TRIM28: variants seen among roughly 807,000 people sequenced by gnomAD.
TRIM28 encodes tripartite motif containing 28.
TRIM28 carries 8 observed loss-of-function variants against 87.4 expected under a neutral mutation model. That is an observed-to-expected ratio of 0.09 (90% CI 0.05 to 0.17). TRIM28 has a LOEUF of 0.17. Ranked by LOEUF, TRIM28 falls within the 10% of genes least tolerant of loss-of-function variation. The pLI is 1.00. For synonymous variants in TRIM28, 601 were observed against 454.3 expected (o/e 1.32, Z -4.11); for missense variants, 968 against 1,131.8 (o/e 0.86, Z 2.08).
chr19:58,549,707 A>C lies in TRIM28; in HGVS notation c.1983-30A>C. On this transcript the variant is annotated intron_variant, in intron 13 of 16. Coordinates refer to ENST00000253024, the MANE Select transcript of TRIM28 (RefSeq NM_005762.3). This position sits in a 1 kb window ranked among gnomAD's most constrained non-coding sequence, Gnocchi z 4.4. ...GGTGTTGGGCTGTCTGGACAGGATCATGTGCAGACCCTTATTTTCTTCACC... is the reference window on the plus strand; with the variant it reads ...GGTGTTGGGCTGTCTGGACAGGATCCTGTGCAGACCCTTATTTTCTTCACC... The C allele has an allele frequency of 1.9e-6, 3 of 1,599,238 alleles. No individual in the cohort carries two copies. Among genetic ancestry groups the C allele is most frequent in the Non-Finnish European group, 2.6e-6 (3 of 1,169,772 alleles).
chr19:58,546,351 G>A (rs934471037), intron 3 of TRIM28, among the ~76,000 whole-genome samples: 2 of 152,202 alleles, frequency 1.3e-5, no homozygotes, highest in African/African-American at 2.4e-5. Flanking sequence ...TTTTGAGTTG[G>A]CAGAGACTTA....
At chr19:58,545,382 G>T in intron 1 of TRIM28, 43 bp from the exon 2 acceptor site, 1 of 1,504,482 alleles carries the variant, frequency 6.6e-7, no homozygotes, top group Non-Finnish European at 9.2e-7. Context: ...CCATAACCTG[G>T]GTGGGAACTT....
Position 58,548,525 on chromosome 19 carries a change from G to T in TRIM28, c.1256G>T (p.Gly419Val). ...VAERPGTNSTGPAPMAPPRAP... is the reference protein window; with the variant it reads ...VAERPGTNSTVPAPMAPPRAP... ...GAGCGTCCTGGCACTAACTCAACAGGCCCTGCACCCATGGCCCCTCCAAGA... is the reference window on the plus strand; with the variant it reads ...GAGCGTCCTGGCACTAACTCAACAGTCCCTGCACCCATGGCCCCTCCAAGA... Residue 419 changes from glycine to valine, a missense_variant, in exon 9 of 17, where the codon GGC becomes GTC. Physicochemically the swap from Gly to Val is moderately radical, Grantham distance 109 (BLOSUM62 -3). Transcript: ENST00000253024. The T allele has an allele frequency of 6.2e-7, 1 of 1,614,012 alleles. No homozygotes were observed. Among genetic ancestry groups the T allele is most frequent in the South Asian group, 1.1e-5 (1 of 91,084 alleles).
In TRIM28 at chr19:58,548,771, G is replaced by C; in HGVS notation, c.1355G>C (p.Gly452Ala). The part of the protein sequence containing the change: ...PMEVQEGYGF[G>A]SGDDPYSSAE... ...GAGGTGCAGGAAGGCTATGGCTTTGGGTCAGGTGAGTGGGTCTGCCTAGTG... is the reference window on the plus strand; with the variant it reads ...GAGGTGCAGGAAGGCTATGGCTTTGCGTCAGGTGAGTGGGTCTGCCTAGTG... The change falls in exon 10 of 17, where the codon GGG becomes GCG. Residue 452 changes from glycine (G) to alanine (A), a missense_variant. By Grantham distance (60) the Gly-to-Ala change is moderately conservative (BLOSUM62 0). Around this residue, in one of 11 missense-constraint regions of TRIM28, gnomAD observed 119 missense variants for 93.6 expected, o/e 1.27. Transcript: ENST00000253024. 8.1e-6 allele frequency: 13 copies of C among 1,614,118 alleles called. No individual in the cohort carries two copies. Among genetic ancestry groups the C allele is most frequent in the Non-Finnish European group, 1.1e-5 (13 of 1,180,006 alleles).
chr19:58,546,582 T>TA (rs1200735164), intron 3 of TRIM28, among the ~76,000 whole-genome samples: 12 of 152,110 alleles, frequency 7.9e-5, no homozygotes, highest in Non-Finnish European at 1.6e-4. Flanking sequence ...CCAGGAGGGA[T>TA]ACGCAGGGGC....
Position 58,548,735 on chromosome 19 carries a change from C to T in TRIM28, c.1324-5C>T. The T allele has an allele frequency of 6.2e-7, 1 of 1,613,764 alleles. No homozygotes were observed. The highest frequency in any genetic ancestry group is 8.5e-7 in the Non-Finnish European group (1 of 1,180,004). ...CTGAGGCAGAGGGTTCTGCTTTGTT[C>T]ACAGCCCATGGAGGTGCAGGAAGGC... is the stretch of plus-strand genomic sequence containing the variant. On this transcript the variant is annotated splice_region_variant and splice_polypyrimidine_tract_variant and intron_variant, in intron 9 of 16. Transcript: ENST00000253024.
At position 58,547,530 on chromosome 19, in the gene TRIM28, T is replaced by G; in HGVS notation, c.722+19T>G. The G allele has an allele frequency of 6.2e-7, 1 of 1,613,662 alleles. No homozygotes were observed. Among genetic ancestry groups the G allele is most frequent in the African/African-American group, 1.3e-5 (1 of 75,012 alleles). Reference sequence around the variant, plus strand: ...ACCACCAGTGAGTCCCAAGGCATAGTGGTTGGGTGGGTGGGTGCCACCCCT... The same window carrying G: ...ACCACCAGTGAGTCCCAAGGCATAGGGGTTGGGTGGGTGGGTGCCACCCCT... On this transcript the variant is annotated intron_variant, in intron 4 of 16. Transcript: ENST00000253024.
chr19:58,550,451 C>G lies in TRIM28; in HGVS notation c.2406C>G (p.Asp802Glu). ...FETRMNEAFGDTKFSAVLVEP... is the reference protein window; with the variant it reads ...FETRMNEAFGETKFSAVLVEP... ...CGCGCATGAACGAGGCCTTCGGTGA[C>G]ACCAAGTTCTCTGCTGTGCTGGTGG... The change falls in exon 17 of 17, where the codon GAC (aspartate) becomes GAG (glutamate). Residue 802 changes from aspartate (D) to glutamate (E), a missense_variant. Physicochemically the swap from Asp to Glu is conservative, Grantham distance 45. This residue lies in a region of TRIM28 where 192 missense variants were observed against 225.6 expected (regional missense o/e 0.85). Transcript: ENST00000253024. 1 of 1,613,062 alleles carries G rather than the reference C, an allele frequency of 6.2e-7. No homozygotes were observed. The highest frequency in any genetic ancestry group is 8.5e-7 in the Non-Finnish European group (1 of 1,180,014).
rs918466962 is a variant in TRIM28 at position 58,545,194 on chromosome 19, G to A, written c.340+97G>A. ...AGGATGCCACCTGGGCGAGAGGATG[G>A]GGGCCCGGACAGGGCACGGGAAATA... On this transcript the variant is annotated intron_variant, in intron 1 of 16. Coordinates refer to ENST00000253024, the MANE Select transcript of TRIM28 (RefSeq NM_005762.3). 2.0e-5 allele frequency: 24 copies of A among 1,185,484 alleles called. No individual in the cohort carries two copies. The African/African-American group carries it at 3.4e-4, about 17-fold the overall frequency. The allele number at this position is 1,185,484 out of a possible 1,614,324, so 73.4% of individuals were successfully genotyped here.
chr19:58,547,364 C>T lies in TRIM28; in HGVS notation c.587-12C>T. On this transcript the variant is annotated splice_polypyrimidine_tract_variant and intron_variant, in intron 3 of 16. Coordinates refer to ENST00000253024, the MANE Select transcript of TRIM28 (RefSeq NM_005762.3). The stretch of plus-strand genomic sequence containing the variant: ...AAGGGCAAGGTCCAGCCTTATGATT[C>T]CCACTCCCCAGGGCCAGCCAAGTCT... 2.5e-6 allele frequency: 4 copies of T among 1,611,664 alleles called. No homozygotes were observed. Among genetic ancestry groups the T allele is most frequent in the Non-Finnish European group, 3.4e-6 (4 of 1,178,104 alleles).
At chr19:58,550,324 TG>T (rs762457174) in intron 16 of TRIM28, 40 bp downstream of exon 16, 1 of 1,613,358 alleles carries the variant, frequency 6.2e-7, no homozygotes, top group South Asian at 1.1e-5. Flanking sequence ...CAGGGGGAGA[TG>T]TGAAGGAAAG....
Position 58,544,934 on chromosome 19 carries a change from G to A in TRIM28, c.177G>A (p.Leu59=). The part of the protein sequence containing the change: ...SSPAGGGAEA[L]ELLEHCGVCR... Reference sequence around the variant, plus strand: ...CCGCGGGGGGCGGCGCCGAGGCGCTGGAGCTGCTGGAGCACTGCGGCGTGT... The same window carrying A: ...CCGCGGGGGGCGGCGCCGAGGCGCTAGAGCTGCTGGAGCACTGCGGCGTGT... The change falls in exon 1 of 17, where the codon CTG becomes CTA. Residue 59 remains leucine (L), a synonymous_variant. Transcript: ENST00000253024. 2.8e-6 allele frequency: 4 copies of A among 1,444,600 alleles called. No homozygotes were observed. The highest frequency in any genetic ancestry group is 3.0e-5 in the East Asian group (1 of 33,594). 89.5% of individuals were successfully genotyped at this position (1,444,600 alleles called of 1,614,324 possible).
chr19:58,548,836 C>G, intron 10 of TRIM28, 26 bp from the exon 11 acceptor site: 1 of 1,614,050 alleles, frequency 6.2e-7, no homozygotes, highest in Non-Finnish European at 8.5e-7. Context: ...CCCCAACCTG[C>G]CAGTCTTCTT....
At position 58,544,933 on chromosome 19, in the gene TRIM28, T is replaced by G. The variant is rs2053746848; in HGVS notation, c.176T>G (p.Leu59Arg). The change falls in exon 1 of 17, where the codon CTG becomes CGG. Residue 59 changes from leucine to arginine, a missense_variant. Around this residue, in one of 11 missense-constraint regions of TRIM28, gnomAD observed 208 missense variants for 170.9 expected, o/e 1.22. Transcript: ENST00000253024. ...CCCGCGGGGGGCGGCGCCGAGGCGC[T>G]GGAGCTGCTGGAGCACTGCGGCGTG... ...SSPAGGGAEA[L>R]ELLEHCGVCR... 1.4e-6 allele frequency: 2 copies of G among 1,443,386 alleles called. No individual in the cohort carries two copies. The highest frequency in any genetic ancestry group is 3.0e-5 in the African/African-American group (2 of 66,566). 89.4% of individuals were successfully genotyped at this position (1,443,386 alleles called of 1,614,324 possible).
In TRIM28 at chr19:58,546,022, C is replaced by T. The variant is rs1452947371; in HGVS notation, c.586+126C>T. ...TCTAGGGGGTGCCGCCCGAAGGGCC[C>T]GAGGGCAGAACTCCAGAAGCAGAAA... On this transcript the variant is annotated intron_variant, in intron 3 of 16. Transcript: ENST00000253024. 4.1e-6 allele frequency: 5 copies of T among 1,204,914 alleles called. No individual in the cohort carries two copies. In the East Asian group the frequency reaches 7.5e-5, roughly 18 times the overall value. 74.6% of individuals were successfully genotyped at this position (1,204,914 alleles called of 1,614,324 possible).
chr19:58,546,589 G>A (rs2053763022), intron 3 of TRIM28, among the ~76,000 whole-genome samples: 1 of 152,172 alleles, frequency 6.6e-6, no homozygotes, highest in Non-Finnish European at 1.5e-5. Flanking sequence ...GGATACGCAG[G>A]GGCTGCAGGG....
intron 3 of TRIM28, chr19:58,547,052 AGTGTGGGGAAGGGTCAGCGGGG>A: frequency 4.7e-6 from 1 of 214,178 alleles, no homozygotes; most frequent in Middle Eastern, 1.5e-3. Flanking sequence ...TAAAGGGAAC[AGTGTGGGGAAGGGTCAGCGGGG>A]GTGGGGGGTG....
At position 58,548,496 on chromosome 19, in the gene TRIM28, G is replaced by T; in HGVS notation, c.1227G>T (p.Val409=). 6.2e-7 allele frequency: 1 copy of T among 1,614,082 alleles called. No homozygotes were observed. Among genetic ancestry groups the T allele is most frequent in the South Asian group, 1.1e-5 (1 of 91,072 alleles). The part of the protein sequence containing the change: ...TKSAEAFGKI[V]AERPGTNSTG... The stretch of plus-strand genomic sequence containing the variant: ...CTCTTCTTTTTGCAGGCAAGATTGT[G>T]GCAGAGCGTCCTGGCACTAACTCAA... The change falls in exon 9 of 17, where the codon GTG becomes GTT. Residue 409 remains valine, a synonymous_variant. Coordinates refer to ENST00000253024, the MANE Select transcript of TRIM28 (RefSeq NM_005762.3).
In TRIM28 at chr19:58,544,977, C is replaced by G; in HGVS notation, c.220C>G (p.Pro74Ala). Residue 74 changes from proline to alanine, a missense_variant, in exon 1 of 17, where the codon CCC becomes GCC. This residue lies in a region of TRIM28 where 208 missense variants were observed against 170.9 expected (regional missense o/e 1.22). Coordinates refer to ENST00000253024, the MANE Select transcript of TRIM28 (RefSeq NM_005762.3). The stretch of plus-strand genomic sequence containing the variant: ...CGGCGTGTGCAGAGAGCGCCTGCGA[C>G]CCGAGAGGGAGCCCCGCCTGCTGCC... Reference protein sequence around the residue: ...HCGVCRERLRPEREPRLLPCL... With the variant: ...HCGVCRERLRAEREPRLLPCL... 2 of 1,515,732 alleles carry G rather than the reference C, an allele frequency of 1.3e-6. No individual in the cohort carries two copies. The highest frequency in any genetic ancestry group is 1.8e-6 in the Non-Finnish European group (2 of 1,140,984). The allele number at this position is 1,515,732 out of a possible 1,614,324, so 93.9% of individuals were successfully genotyped here. A position where few individuals can be genotyped will look rare whatever the true frequency, so the allele number is the denominator to read the frequency against.
Sources: allele counts gnomAD v4.1 joint callset (sites outside exome capture counted in the v4.1 genomes callset), GRCh38; gene constraint gnomAD v4.1.1; regional missense constraint gnomAD v4.1.1; non-coding constraint Gnocchi (gnomAD v3.1); transcripts MANE v1.5; gene names NCBI Gene and HGNC (gene_info 2026-07-23, HGNC 2026-07-21).